Variants in CCDC178 observed in about 807,000 individuals in gnomAD.
CCDC178 encodes coiled-coil domain containing 178.
CCDC178 carries 126 observed loss-of-function variants against 117.4 expected under a neutral mutation model. That is an observed-to-expected ratio of 1.07 (90% CI 0.93 to 1.24). CCDC178 has a LOEUF of 1.24. Among genes scored for constraint, CCDC178 ranks in the 50% most tolerant of loss-of-function variants. The pLI is 0.00. For missense variants in CCDC178, 1,030 were observed against 986.9 expected, an observed-to-expected ratio of 1.04 and a Z score of -0.59; for synonymous variants, 283 against 313.4, an observed-to-expected ratio of 0.90 and a Z score of 1.02.
At chr18:33,193,126 G>A (rs578197655) in intron 20 of CCDC178, among the ~76,000 whole-genome samples, 2 of 150,944 alleles carry the variant, frequency 1.3e-5, no homozygotes, top group South Asian at 4.2e-4. Context: ...AGCCGGGCGT[G>A]GTGGCAGGCG....
At chr18:33,372,964 C>G (rs1295229424) in intron 5 of CCDC178, among the ~76,000 whole-genome samples, 1 of 152,134 alleles carries the variant, frequency 6.6e-6, no homozygotes, top group Non-Finnish European at 1.5e-5. Flanking sequence ...AGGCATATTT[C>G]CTTTTCACAT....
intron 11 of CCDC178, among the ~76,000 whole-genome samples, chr18:33,310,240 TG>T (rs2062320788): frequency 6.6e-6 from 1 of 152,118 alleles, no homozygotes; most frequent in African/African-American, 2.4e-5. Context: ...ATTACAGGTG[TG>T]CACCACGCCT....
intron 21 of CCDC178, among the ~76,000 whole-genome samples, chr18:32,990,562 C>T (rs926955311): frequency 6.6e-6 from 1 of 152,034 alleles, no homozygotes; most frequent in African/African-American, 2.4e-5. Flanking sequence ...CAAGTCTTCA[C>T]AGTATATGTA....
At chr18:33,271,449 T>C (rs1244371665) in intron 12 of CCDC178, among the ~76,000 whole-genome samples, 1 of 151,560 alleles carries the variant, frequency 6.6e-6, no homozygotes, top group African/African-American at 2.4e-5. Context: ...ATGCAAACAT[T>C]AACCATGTTA....
At chr18:33,427,596 A>C (rs576112476) in intron 2 of CCDC178, among the ~76,000 whole-genome samples, 1 of 152,306 alleles carries the variant, frequency 6.6e-6, no homozygotes, top group South Asian at 2.1e-4. Context: ...CCAATAGATT[A>C]GAGTTAAGAT....
At chr18:33,222,168 G>A (rs1418208585) in intron 18 of CCDC178, among the ~76,000 whole-genome samples, 1 of 151,946 alleles carries the variant, frequency 6.6e-6, no homozygotes, top group Non-Finnish European at 1.5e-5. Context: ...TAACAAAAGT[G>A]TAATCATGCT....
chr18:33,383,994 A>C (rs571578856), intron 5 of CCDC178, among the ~76,000 whole-genome samples: 5 of 152,226 alleles, frequency 3.3e-5, no homozygotes, highest in African/African-American at 4.8e-5. Flanking sequence ...GTTAACTCGA[A>C]TAACCAGTTT....
chr18:33,100,020 G>A (rs902177060), intron 20 of CCDC178, among the ~76,000 whole-genome samples: 13 of 151,848 alleles, frequency 8.6e-5, no homozygotes, highest in African/African-American at 2.7e-4. Flanking sequence ...TCAAAAGTAC[G>A]TACTGAGCAA....
chr18:33,431,328 C>T (rs149668611), intron 2 of CCDC178, among the ~76,000 whole-genome samples: 1 of 151,058 alleles, frequency 6.6e-6, no homozygotes, highest in African/African-American at 2.4e-5. Flanking sequence ...TCACAACTTC[C>T]TTAGAATATC....
intron 21 of CCDC178, among the ~76,000 whole-genome samples, chr18:33,058,062 G>A (rs902173845): frequency 6.6e-6 from 1 of 150,734 alleles, no homozygotes; most frequent in Non-Finnish European, 1.5e-5. Flanking sequence ...ATTGTAAAAT[G>A]GTACTGCCAC....
intron 21 of CCDC178, chr18:32,983,381 A>T: frequency 7.4e-7 from 1 of 1,354,114 alleles, no homozygotes; most frequent in Non-Finnish European, 1.0e-6. Context: ...CAAATATTAC[A>T]AATGAAGCCA....
At position 32,940,576 on chromosome 18, in the gene CCDC178, G is replaced by A. The variant is rs763546955; in HGVS notation, c.2524-2485C>T. Among the ~76,000 whole-genome samples the A allele has an allele frequency of 9.9e-5, 15 of 151,630 alleles. No homozygotes were observed. In the South Asian group the frequency reaches 1.5e-3, roughly 15 times the overall value. On this transcript the variant is annotated intron_variant, in intron 22 of 22. Coordinates refer to ENST00000383096, the MANE Select transcript of CCDC178 (RefSeq NM_001105528.4). ...GGTAAACTTTTTTGTTTTGTAACTC[G>A]TTTTCTCCCTTATGGGGGTTTGTTG...
chr18:33,264,073 CTG>C (rs2059784681), intron 14 of CCDC178, among the ~76,000 whole-genome samples: 1 of 152,024 alleles, frequency 6.6e-6, no homozygotes, highest in African/African-American at 2.4e-5. Context: ...CTTTAAATAT[CTG>C]TGTCAAACAA....
chr18:33,320,897 G>A (rs2062499575), intron 11 of CCDC178, among the ~76,000 whole-genome samples: 2 of 152,124 alleles, frequency 1.3e-5, no homozygotes, highest in South Asian at 4.1e-4. Context: ...CAGAGATAGG[G>A]ACCAATGGAA....
chr18:33,424,970 A>C (rs1387458864), intron 2 of CCDC178, among the ~76,000 whole-genome samples: 3 of 152,194 alleles, frequency 2.0e-5, no homozygotes, highest in Non-Finnish European at 4.4e-5. Flanking sequence ...CGTGGACCTA[A>C]CACATAGTTT....
chr18:33,131,990 C>T (rs1040610415), intron 20 of CCDC178, among the ~76,000 whole-genome samples: 1 of 144,666 alleles, frequency 6.9e-6, no homozygotes, highest in Non-Finnish European at 1.5e-5. Flanking sequence ...TTGTTTGTTT[C>T]TTTGTTTTTT....
intron 20 of CCDC178, among the ~76,000 whole-genome samples, chr18:33,198,410 C>T (rs1231553851): frequency 6.6e-6 from 1 of 152,150 alleles, no homozygotes; most frequent in South Asian, 2.1e-4. Context: ...TGCTTATGAA[C>T]ATTATAATCC....
chr18:33,224,923 G>A lies in CCDC178; in HGVS notation c.1670C>T (p.Ser557Phe), dbSNP rs1417247247. 4.0e-6 allele frequency: 6 copies of A among 1,482,720 alleles called. No individual in the cohort carries two copies. 91.8% of individuals were successfully genotyped at this position (1,482,720 alleles called of 1,614,324 possible). The change falls in exon 17 of 23, where the codon TCC becomes TTC. Residue 557 changes from serine to phenylalanine, a missense_variant. Ser to Phe is a radical substitution (Grantham distance 155, BLOSUM62 -2). Coordinates refer to ENST00000383096, the MANE Select transcript of CCDC178 (RefSeq NM_001105528.4). ...CTCAAGTGCCTGGACTTCGTAAATG[G>A]AATATAGTTTTTTCTGCCAGCAAAG... ...AGMVLQKKLY[S>F]IYEVQALERK...
rs61745348 is a variant in CCDC178 at position 33,370,153 on chromosome 18, C to A, written c.245G>T (p.Arg82Leu). 1.4e-5 allele frequency: 22 copies of A among 1,603,274 alleles called. No homozygotes were observed. Among genetic ancestry groups the A allele is most frequent in the Admixed American group, 1.7e-5 (1 of 58,074 alleles). Residue 82 changes from arginine (R) to leucine (L), a missense_variant, in exon 6 of 23, where the codon CGA (arginine) becomes CTA (leucine). Arg to Leu is a moderately radical substitution (Grantham distance 102, BLOSUM62 -2). Coordinates refer to ENST00000383096, the MANE Select transcript of CCDC178 (RefSeq NM_001105528.4). ...ATTTACTACGGCACAGCTGTGACGT[C>A]GACATGGGTAGCTAAAGTAAATGCC... ...NKGIYFSYPC[R>L]RHSCAVVNIP... is the part of the protein sequence containing the mutation.
Sources: allele counts gnomAD v4.1 joint callset (sites outside exome capture counted in the v4.1 genomes callset), GRCh38; gene constraint gnomAD v4.1.1; transcripts MANE v1.5; gene names NCBI Gene and HGNC (gene_info 2026-07-23, HGNC 2026-07-21).